Variants in KCNC1 observed in about 807,000 individuals in gnomAD.
The protein encoded by KCNC1 is voltage-gated potassium channel KCNC1.
A neutral mutation model predicts 43.4 loss-of-function variants in KCNC1; 8 were observed. The observed-to-expected ratio is 0.18, with a 90% CI of 0.11 to 0.33. KCNC1 has a LOEUF of 0.33. KCNC1 is among the 10% of genes least tolerant of loss of function. The pLI is 1.00. For synonymous variants in KCNC1, 361 were observed against 360.5 expected (o/e 1.00, Z -0.01); for missense variants, 420 against 836.0 (o/e 0.50, Z 6.14).
Position 17,773,852 on chromosome 11 carries a change from C to A in KCNC1, c.1504+1254C>A, listed in dbSNP as rs1849257644. 2.0e-6 allele frequency: 2 copies of A among 985,494 alleles called. No homozygotes were observed. The highest frequency in any genetic ancestry group is 2.4e-6 in the Non-Finnish European group (2 of 829,956). The allele number at this position is 985,494 out of a possible 1,614,324, so 61.0% of individuals were successfully genotyped here. On this transcript the variant is annotated intron_variant, in intron 2 of 3. Transcript: ENST00000265969. This position sits in a 1 kb window ranked among gnomAD's most constrained non-coding sequence, Gnocchi z 4.1. The stretch of plus-strand genomic sequence containing the variant: ...CCAGGTGAGCAGGAGGTTGACGTGA[C>A]AGGTGGCATTTAGTCTATGAAGGAC...
chr11:17,751,431 G>A (rs951818977), intron 1 of KCNC1, among the ~76,000 whole-genome samples: 1 of 152,236 alleles, frequency 6.6e-6, no homozygotes, highest in Non-Finnish European at 1.5e-5. Context: ...GAGGACCATG[G>A]ATGTGCTTCT....
intron 1 of KCNC1, among the ~76,000 whole-genome samples, chr11:17,743,033 G>A (rs547119725): frequency 1.2e-4 from 19 of 152,308 alleles, no homozygotes; most frequent in Non-Finnish European, 2.5e-4. Flanking sequence ...CCCCAAGCAG[G>A]ATTTTCCAGA....
chr11:17,738,226 G>A (rs1484021525), intron 1 of KCNC1, among the ~76,000 whole-genome samples: 3 of 152,136 alleles, frequency 2.0e-5, no homozygotes, highest in African/African-American at 4.8e-5. Flanking sequence ...TTTCCCCAGA[G>A]TGGACTGGGA....
Position 17,739,858 on chromosome 11 carries a change from G to A in KCNC1, c.570+3286G>A, listed in dbSNP as rs1385939417. On this transcript the variant is annotated intron_variant, in intron 1 of 3. Transcript: ENST00000265969. This position sits in a 1 kb window ranked among gnomAD's most constrained non-coding sequence, Gnocchi z 4.2. ...TGTGAGAACCCACGTGTGTGTCAGT[G>A]TGCTGTGTGTATGTGAGAGAGAGGT... is the stretch of plus-strand genomic sequence containing the variant. Among the ~76,000 whole-genome samples the A allele has an allele frequency of 6.6e-6, 1 of 152,048 alleles. No individual in the cohort carries two copies. The highest frequency in any genetic ancestry group is 1.5e-5 in the Non-Finnish European group (1 of 67,998).
chr11:17,756,930 C>A (rs1849029031), intron 1 of KCNC1, among the ~76,000 whole-genome samples: 1 of 152,158 alleles, frequency 6.6e-6, no homozygotes, highest in Non-Finnish European at 1.5e-5. Context: ...GTCAGAGAGA[C>A]CTGGTTTCAA....
Position 17,742,292 on chromosome 11 carries a change from GAA to G in KCNC1, c.570+5721_570+5722del, listed in dbSNP as rs1848852553. Among the ~76,000 whole-genome samples the G allele has an allele frequency of 6.6e-6, 1 of 152,064 alleles. No individual in the cohort carries two copies. The highest frequency in any genetic ancestry group is 2.4e-5 in the African/African-American group (1 of 41,370). On this transcript the variant is annotated intron_variant, in intron 1 of 3. Transcript: ENST00000265969. This position sits in a 1 kb window ranked among gnomAD's most constrained non-coding sequence, Gnocchi z 4.2. ...CCAGAAGCTTTGGAGGGGATTGGCT[GAA>G]GTCTATCAAGGAGGGAGGTGGTGGT...
At position 17,771,013 on chromosome 11, in the gene KCNC1, CAG is replaced by C. The variant is rs542030006; in HGVS notation, c.571-645_571-644del. Among the ~76,000 whole-genome samples, 17 of 152,274 alleles carry C rather than the reference CAG, an allele frequency of 1.1e-4. No homozygotes were observed. The highest frequency in any genetic ancestry group is 8.3e-4 in the South Asian group (4 of 4,816). ...GTTGTGGTGCAAGTTCCTAGGAAGA[CAG>C]AGAGAGGGGGTACATTTTAAAAAGC... On this transcript the variant is annotated intron_variant, in intron 1 of 3. Coordinates refer to ENST00000265969, the MANE Select transcript of KCNC1 (RefSeq NM_001112741.2). This position sits in a 1 kb window ranked among gnomAD's most constrained non-coding sequence, Gnocchi z 4.7.
intron 1 of KCNC1, among the ~76,000 whole-genome samples, chr11:17,769,673 C>G (rs1055475324): frequency 6.6e-6 from 1 of 151,546 alleles, no homozygotes; most frequent in Non-Finnish European, 1.5e-5. Context: ...GAGACCCCAT[C>G]TCTGCAAAAT....
Position 17,735,871 on chromosome 11 carries a change from A to G in KCNC1, c.-132A>G. The stretch of plus-strand genomic sequence containing the variant: ...CGCTCGTTGGGGTGGCCAGAGCCGC[A>G]GGCCTCTGTTCCCCCCGACGGCTGG... On this transcript the variant is annotated 5_prime_UTR_variant, in exon 1 of 4. Transcript: ENST00000265969. This position sits in a 1 kb window ranked among gnomAD's most constrained non-coding sequence, Gnocchi z 6.7. The G allele has an allele frequency of 9.6e-7, 1 of 1,046,292 alleles. No homozygotes were observed. The highest frequency in any genetic ancestry group is 1.3e-6 in the Non-Finnish European group (1 of 777,510). The allele number at this position is 1,046,292 out of a possible 1,614,324, so 64.8% of individuals were successfully genotyped here.
intron 3 of KCNC1, chr11:17,780,031 G>C (rs1480654147): frequency 6.0e-6 from 1 of 167,452 alleles, no homozygotes; most frequent in Non-Finnish European, 1.3e-5. Context: ...CCTGATTGAG[G>C]AGGGCAGTGG....
rs1849255656 is a variant in KCNC1, at chr11:17,773,577, C to A, written c.1504+979C>A. The stretch of plus-strand genomic sequence containing the variant: ...TGGGGGCCGGGAGGGGGGAGGGGGG[C>A]ATGAAACAATACTAGTCACCGTGGG... On this transcript the variant is annotated intron_variant, in intron 2 of 3. Coordinates refer to ENST00000265969, the MANE Select transcript of KCNC1 (RefSeq NM_001112741.2). The surrounding 1 kb of genome is among the most constrained non-coding windows in gnomAD (Gnocchi z 4.1). The A allele has an allele frequency of 4.1e-6, 4 of 985,054 alleles. No individual in the cohort carries two copies. The highest frequency in any genetic ancestry group is 4.8e-6 in the Non-Finnish European group (4 of 829,918). The allele number at this position is 985,054 out of a possible 1,614,324, so 61.0% of individuals were successfully genotyped here.
intron 2 of KCNC1, chr11:17,775,693 C>T: frequency 2.0e-6 from 2 of 985,770 alleles, no homozygotes; most frequent in Non-Finnish European, 2.4e-6. Flanking sequence ...CATCTCCGCT[C>T]CTGTGATGTG....
At chr11:17,749,519 G>A (rs1848941238) in intron 1 of KCNC1, among the ~76,000 whole-genome samples, 2 of 152,362 alleles carry the variant, frequency 1.3e-5, no homozygotes, top group South Asian at 4.1e-4. Flanking sequence ...CTCATCACCA[G>A]AGCAGGGCAG....
At chr11:17,741,004 G>C (rs1013810763) in intron 1 of KCNC1, among the ~76,000 whole-genome samples, 2 of 152,100 alleles carry the variant, frequency 1.3e-5, no homozygotes, top group Non-Finnish European at 1.5e-5. Flanking sequence ...GGGGATTCTA[G>C]GCAGTGCACC....
intron 2 of KCNC1, chr11:17,775,933 C>T: frequency 1.0e-6 from 1 of 985,510 alleles, no homozygotes; most frequent in Non-Finnish European, 1.2e-6. Flanking sequence ...AGCCCCTCTA[C>T]TTCCCCTGCT....
At chr11:17,766,869 A>T (rs1590104286) in intron 1 of KCNC1, among the ~76,000 whole-genome samples, 1 of 151,800 alleles carries the variant, frequency 6.6e-6, no homozygotes, top group East Asian at 1.9e-4. Flanking sequence ...TCTAGAGCTC[A>T]ATACACTTGG....
rs1848759501 is a variant in KCNC1 at position 17,735,901 on chromosome 11, AG to A, written c.-96del. ...TCTGTTCCCCCCGACGGCTGGGGGGAGGGGGGAAGAGGGCGCGCGCCCCCCT... is the reference window on the plus strand; with the variant it reads ...TCTGTTCCCCCCGACGGCTGGGGGGAGGGGGAAGAGGGCGCGCGCCCCCCT... On this transcript the variant is annotated 5_prime_UTR_variant, in exon 1 of 4. Coordinates refer to ENST00000265969, the MANE Select transcript of KCNC1 (RefSeq NM_001112741.2). The surrounding 1 kb of genome is among the most constrained non-coding windows in gnomAD (Gnocchi z 6.7). 6 of 1,248,062 alleles carry A rather than the reference AG, an allele frequency of 4.8e-6. No homozygotes were observed. Among genetic ancestry groups the A allele is most frequent in the African/African-American group, 1.7e-5 (1 of 60,018 alleles). The allele number at this position is 1,248,062 out of a possible 1,614,324, so 77.3% of individuals were successfully genotyped here.
At chr11:17,759,188 A>G (rs1849051188) in intron 1 of KCNC1, among the ~76,000 whole-genome samples, 1 of 152,168 alleles carries the variant, frequency 6.6e-6, no homozygotes, top group Non-Finnish European at 1.5e-5. Context: ...TACTTTCCTT[A>G]AACCTGATGA....
chr11:17,762,836 C>T (rs972912587), intron 1 of KCNC1, among the ~76,000 whole-genome samples: 1 of 152,156 alleles, frequency 6.6e-6, no homozygotes, highest in African/African-American at 2.4e-5. Context: ...TCCCACCCGC[C>T]AGGCAGCTTT....
Sources: gnomAD v4.1 joint callset for allele counts (sites outside exome capture counted in the v4.1 genomes callset) on GRCh38, gnomAD v4.1.1 for gene constraint, Gnocchi (gnomAD v3.1) non-coding constraint, MANE v1.5 for transcripts, NCBI Gene and HGNC (gene_info 2026-07-23, HGNC 2026-07-21) for gene names.